The following GEMIN2 variants were observed in gnomAD, a reference collection of about 807,000 sequenced individuals.
GEMIN2 encodes the protein gem nuclear organelle associated protein 2, also known as gem-associated protein 2.
Under a neutral mutation model 45.8 loss-of-function variants are expected in GEMIN2, and 37 were observed. The ratio of observed to expected loss-of-function variants is 0.81; its 90% CI spans 0.62 to 1.06. GEMIN2 has a LOEUF of 1.06. GEMIN2 is among the 50% of genes least tolerant of loss of function. The pLI, the probability that GEMIN2 is intolerant of heterozygous loss-of-function variation, is 0.00. For synonymous variants in GEMIN2, 101 were observed against 111.5 expected, an observed-to-expected ratio of 0.91 and a Z score of 0.60; for missense variants, 335 against 321.8, an observed-to-expected ratio of 1.04 and a Z score of -0.31.
At chr14:39,135,943 G>A (rs1430271005) in intron 9 of GEMIN2, among the ~76,000 whole-genome samples, 3 of 151,730 alleles carry the variant, frequency 2.0e-5, no homozygotes, top group Admixed American at 6.6e-5. Flanking sequence ...TAAGTAGGCC[G>A]CATGTGGTGG....
chr14:39,115,661 T>C (rs555064885), intron 2 of GEMIN2, among the ~76,000 whole-genome samples: 2 of 151,994 alleles, frequency 1.3e-5, no homozygotes, highest in Non-Finnish European at 2.9e-5. Context: ...TTCACCATGT[T>C]GTCCAGTCTG....
intron 4 of GEMIN2, among the ~76,000 whole-genome samples, 192 bp from the exon 5 acceptor site, chr14:39,122,238 C>T (rs1421251320): frequency 6.6e-6 from 1 of 152,136 alleles, no homozygotes; most frequent in Non-Finnish European, 1.5e-5. Context: ...TCTCCAAATA[C>T]AGTCACATTC....
intron 9 of GEMIN2, among the ~76,000 whole-genome samples, chr14:39,135,295 G>C (rs1371287598): frequency 6.6e-6 from 1 of 151,974 alleles, no homozygotes; most frequent in African/African-American, 2.4e-5. Flanking sequence ...GAAAGTTTAG[G>C]AAAAAAAGGA....
Position 39,114,848 on chromosome 14 carries a change from C to T in GEMIN2, c.157C>T (p.Pro53Ser). Reference sequence around the variant, plus strand: ...TTGTAGGATCGAAGCAGCTCAATGTCCAGATGTTGTGGTAGCTCAAATTGA... The same window carrying T: ...TTGTAGGATCGAAGCAGCTCAATGTTCAGATGTTGTGGTAGCTCAAATTGA... ...RRVQIEAAQC[P>S]DVVVAQIDPK... The change falls in exon 2 of 10, where the codon CCA (proline) becomes TCA (serine). Residue 53 changes from proline to serine, a missense_variant. Coordinates refer to ENST00000308317, the MANE Select transcript of GEMIN2 (RefSeq NM_003616.3). 2 of 1,558,420 alleles carry T rather than the reference C, an allele frequency of 1.3e-6. No homozygotes were observed. The highest frequency in any genetic ancestry group is 1.8e-6 in the Non-Finnish European group (2 of 1,129,378).
In GEMIN2 at chr14:39,118,552, C is replaced by T; in HGVS notation, c.325C>T (p.His109Tyr). 1 of 1,473,810 alleles carries T rather than the reference C, an allele frequency of 6.8e-7. No homozygotes were observed. The allele number at this position is 1,473,810 out of a possible 1,614,324, so 91.3% of individuals were successfully genotyped here. Residue 109 changes from histidine (H) to tyrosine (Y), a missense_variant, in exon 4 of 10, where the codon CAT (histidine) becomes TAT (tyrosine). Coordinates refer to ENST00000308317, the MANE Select transcript of GEMIN2 (RefSeq NM_003616.3). ...TTTCTTCCTTTAGAATGTGAACAAACATAGAAGTCACTGGAAATCACAACA... is the reference window on the plus strand; with the variant it reads ...TTTCTTCCTTTAGAATGTGAACAAATATAGAAGTCACTGGAAATCACAACA... Reference protein sequence around the residue: ...FSTVRQNVNKHRSHWKSQQLD... With the variant: ...FSTVRQNVNKYRSHWKSQQLD...
At chr14:39,114,981 A>G (rs1257273974) in intron 2 of GEMIN2, 68 bp downstream of exon 2, 2 of 765,726 alleles carry the variant, frequency 2.6e-6, no homozygotes, top group East Asian at 5.0e-5. Context: ...CTCTTCCTAT[A>G]GTATCTGACA....
rs1303696357 is a variant in GEMIN2, at chr14:39,131,981, G to A, written c.624G>A (p.Leu208=). The A allele has an allele frequency of 6.3e-7, 1 of 1,590,452 alleles. No individual in the cohort carries two copies. The highest frequency in any genetic ancestry group is 1.3e-5 in the African/African-American group (1 of 74,256). Residue 208 remains leucine, a synonymous_variant, in exon 8 of 10, where the codon TTG becomes TTA. Coordinates refer to ENST00000308317, the MANE Select transcript of GEMIN2 (RefSeq NM_003616.3). ...PELGRWLYAL[L]ACLEKPLLPE... Reference sequence around the variant, plus strand: ...AGGGAAGATGGCTTTATGCTTTATTGGCTTGTCTTGAAAAGCCTTTGTTAC... The same window carrying A: ...AGGGAAGATGGCTTTATGCTTTATTAGCTTGTCTTGAAAAGCCTTTGTTAC...
chr14:39,135,472 G>C (rs1364666784), intron 9 of GEMIN2, among the ~76,000 whole-genome samples: 1 of 152,076 alleles, frequency 6.6e-6, no homozygotes, highest in African/African-American at 2.4e-5. Context: ...TGTAATCCCA[G>C]CTACTCGGGA....
At chr14:39,127,316 C>T (rs924998302) in intron 6 of GEMIN2, among the ~76,000 whole-genome samples, 1 of 145,984 alleles carries the variant, frequency 6.9e-6, no homozygotes, top group African/African-American at 2.5e-5. Context: ...TCTCAAACTC[C>T]TGACCTCAGG....
In GEMIN2 at chr14:39,119,117, A is replaced by T. The variant is rs140228115; in HGVS notation, c.372+518A>T. ...TTCACAATATCTTGGGGGACTTTGG[A>T]TAGGTGACTGTGAAACTTCCACAAG... On this transcript the variant is annotated intron_variant, in intron 4 of 9. Coordinates refer to ENST00000308317, the MANE Select transcript of GEMIN2 (RefSeq NM_003616.3). 6.5e-3 allele frequency among the ~76,000 whole-genome samples: 983 copies of T among 152,210 alleles called. 9 individuals are homozygous for T. The highest frequency in any genetic ancestry group is 0.022 in the African/African-American group (909 of 41,534).
chr14:39,133,056 T>TAATA (rs200569267), intron 8 of GEMIN2, among the ~76,000 whole-genome samples: 4,224 of 145,318 alleles, frequency 0.029, 217 homozygotes, highest in African/African-American at 0.1. Flanking sequence ...ATATATATCT[T>TAATA]TATATAATTC....
intron 8 of GEMIN2, among the ~76,000 whole-genome samples, 169 bp downstream of exon 8, chr14:39,132,237 TAAA>T (rs907585370): frequency 2.6e-5 from 4 of 152,120 alleles, no homozygotes; most frequent in Non-Finnish European, 5.9e-5. Context: ...TTTTCTGAGA[TAAA>T]GAAGTCTGAG....
chr14:39,124,339 TACAAC>T (rs2052613422), intron 5 of GEMIN2, among the ~76,000 whole-genome samples: 1 of 152,212 alleles, frequency 6.6e-6, no homozygotes, highest in Non-Finnish European at 1.5e-5. Context: ...AAATGGTGTA[TACAAC>T]ATATTAATGT....
rs182119734 is a variant in GEMIN2 at position 39,119,532 on chromosome 14, A to T, written c.372+933A>T. On this transcript the variant is annotated intron_variant, in intron 4 of 9. Transcript: ENST00000308317. Reference sequence around the variant, plus strand: ...ACTTCATATTCTTTCGTAGAATCTAATGAAAGCTATTTATCTTCAGAGGGA... The same window carrying T: ...ACTTCATATTCTTTCGTAGAATCTATTGAAAGCTATTTATCTTCAGAGGGA... 1.8e-4 allele frequency among the ~76,000 whole-genome samples: 28 copies of T among 152,080 alleles called. No homozygotes were observed. The East Asian group carries it at 2.5e-3, about 14-fold the overall frequency.
At chr14:39,130,577 C>A (rs578178951) in intron 7 of GEMIN2, among the ~76,000 whole-genome samples, 31 of 152,286 alleles carry the variant, frequency 2.0e-4, no homozygotes, top group South Asian at 8.3e-4. Context: ...AGACACTTAA[C>A]ATTCCCTTGT....
intron 6 of GEMIN2, among the ~76,000 whole-genome samples, chr14:39,127,974 A>G (rs919301681): frequency 6.7e-6 from 1 of 148,514 alleles, no homozygotes; most frequent in African/African-American, 2.5e-5. Context: ...GGGCTGAGGC[A>G]GGAGAATTGC....
At chr14:39,129,266 C>T (rs895166848) in intron 7 of GEMIN2, among the ~76,000 whole-genome samples, 1 of 152,072 alleles carries the variant, frequency 6.6e-6, no homozygotes, top group African/African-American at 2.4e-5. Context: ...GTATAGTAGA[C>T]TATACCATCT....
At chr14:39,122,566 G>C (rs1366886405) in intron 5 of GEMIN2, 23 bp downstream of exon 5, 1 of 1,213,546 alleles carries the variant, frequency 8.2e-7, no homozygotes, top group Admixed American at 2.1e-5. Context: ...TGGATAAACA[G>C]AACAAAAAGC....
chr14:39,135,871 G>C (rs1275342381), intron 9 of GEMIN2, among the ~76,000 whole-genome samples: 2 of 151,904 alleles, frequency 1.3e-5, no homozygotes, highest in Non-Finnish European at 2.9e-5. Context: ...TTCTCCTCTA[G>C]TTAACCATTG....
Sources: allele counts gnomAD v4.1 joint callset (sites outside exome capture counted in the v4.1 genomes callset), GRCh38; gene constraint gnomAD v4.1.1; transcripts MANE v1.5; gene names NCBI Gene and HGNC (gene_info 2026-07-23, HGNC 2026-07-21).